The following STARD13 variants were observed in gnomAD, a reference collection of about 807,000 sequenced individuals.
STARD13 encodes the protein StAR related lipid transfer domain containing 13.
Under a neutral mutation model 106.4 loss-of-function variants are expected in STARD13, and 62 were observed. That is an observed-to-expected ratio of 0.58 (90% confidence interval 0.48 to 0.72). The LOEUF is 0.72. STARD13 is among the 30% of genes least tolerant of loss of function. The probability of loss-of-function intolerance (pLI) is 0.00; values close to 1 mark genes in which losing one functional copy is unlikely to be tolerated. For synonymous variants in STARD13, 565 were observed against 553.0 expected (o/e 1.02, Z -0.31); for missense variants, 1,387 against 1,424.0 (o/e 0.97, Z 0.42).
chr13:33,348,957 T>G (rs998332820), exon 2 of STARD13: 11 of 584,468 alleles, frequency 1.9e-5, no homozygotes, highest in Non-Finnish European at 3.1e-5. Flanking sequence ...TGACCTTCTC[T>G]CAAGGTGCTA....
At chr13:33,297,519 G>A (rs1892542461) in intron 1 of STARD13, among the ~76,000 whole-genome samples, 1 of 151,674 alleles carries the variant, frequency 6.6e-6, no homozygotes, top group Non-Finnish European at 1.5e-5. Flanking sequence ...CCAGCACTCT[G>A]TTAATCAGCC....
the STARD13 span, among the ~76,000 whole-genome samples, chr13:33,601,843 G>T: frequency 7.2e-5 from 11 of 152,124 alleles, no homozygotes; most frequent in Non-Finnish European, 1.5e-4. Flanking sequence ...GTGTTGTAGT[G>T]GGCCCAAAAC....
the STARD13 span, among the ~76,000 whole-genome samples, chr13:33,360,889 A>G: frequency 4.5e-3 from 640 of 141,022 alleles, 4 homozygotes; most frequent in African/African-American, 0.015. Context: ...TCCGCCTCCC[A>G]GGTTCACGCC....
At chr13:33,241,624 T>A (rs1467260832) in intron 1 of STARD13, among the ~76,000 whole-genome samples, 1 of 131,480 alleles carries the variant, frequency 7.6e-6, no homozygotes, top group Non-Finnish European at 1.6e-5. Context: ...CCATCTCAAC[T>A]CACTGCAACC....
chr13:33,452,107 G>T, the STARD13 span, among the ~76,000 whole-genome samples: 1 of 152,144 alleles, frequency 6.6e-6, no homozygotes, highest in Admixed American at 6.6e-5. Flanking sequence ...TATGTTCAGG[G>T]CCTAAGGAGA....
chr13:33,327,161 T>C (rs1258647471), intron 1 of STARD13, among the ~76,000 whole-genome samples: 1 of 152,218 alleles, frequency 6.6e-6, no homozygotes. Context: ...AATACCACAC[T>C]AGAAATGTGA....
the STARD13 span, among the ~76,000 whole-genome samples, chr13:33,390,524 T>C: frequency 6.6e-6 from 1 of 152,156 alleles, no homozygotes; most frequent in Non-Finnish European, 1.5e-5. Flanking sequence ...CTCCAACCTC[T>C]TCATAAATTT....
intron 1 of STARD13, among the ~76,000 whole-genome samples, chr13:33,189,417 T>C (rs1566062173): frequency 1.1e-5 from 1 of 95,196 alleles, no homozygotes; most frequent in Non-Finnish European, 2.1e-5. Flanking sequence ...CCTCCTGCTT[T>C]CCCTCCTTCC....
chr13:33,233,766 G>T (rs1889045321), intron 1 of STARD13, among the ~76,000 whole-genome samples: 1 of 106 alleles, frequency 9.4e-3, no homozygotes, highest in Non-Finnish European at 0.017. Context: ...CCCCTCTGGG[G>T]CTTAGGGTTG....
chr13:33,554,601 A>G, the STARD13 span, among the ~76,000 whole-genome samples: 1 of 152,244 alleles, frequency 6.6e-6, no homozygotes, highest in Non-Finnish European at 1.5e-5. Context: ...ATTACAAAGT[A>G]AAGTTACCTA....
At chr13:33,348,079 A>G (rs1000936021), downstream of STARD13, among the ~76,000 whole-genome samples, 28 of 152,290 alleles carry the variant, frequency 1.8e-4, no homozygotes, top group African/African-American at 6.5e-4. Context: ...GGCCTCACAG[A>G]GGATTGTTTG....
intron 1 of STARD13, among the ~76,000 whole-genome samples, chr13:33,244,240 G>C (rs545574645): frequency 2.8e-4 from 43 of 152,002 alleles, no homozygotes; most frequent in African/African-American, 1.0e-3. Context: ...AGTTCTCTGT[G>C]GATGAGGAAT....
chr13:33,587,004 AGGAGTTC>A, the STARD13 span, among the ~76,000 whole-genome samples: 1 of 152,140 alleles, frequency 6.6e-6, no homozygotes, highest in East Asian at 1.9e-4. Flanking sequence ...ACCTGAGGTC[AGGAGTTC>A]GGGATCAGCC....
At chr13:33,216,534 A>G (rs1490156592) in intron 1 of STARD13, among the ~76,000 whole-genome samples, 1 of 152,140 alleles carries the variant, frequency 6.6e-6, no homozygotes, top group East Asian at 1.9e-4. Flanking sequence ...AGGCATAAGA[A>G]TGACACAATG....
the STARD13 span, among the ~76,000 whole-genome samples, chr13:33,612,610 T>C: frequency 6.6e-6 from 1 of 152,202 alleles, no homozygotes; most frequent in Non-Finnish European, 1.5e-5. Context: ...CTTTTTCTCT[T>C]GTCTATTCCC....
chr13:33,257,157 G>GA, intron 1 of STARD13, among the ~76,000 whole-genome samples: 1 of 152,076 alleles, frequency 6.6e-6, no homozygotes, highest in Admixed American at 6.5e-5. Flanking sequence ...TATAGAACTG[G>GA]AAAAAAGGTG....
At chr13:33,221,434 C>A (rs1311009354) in intron 1 of STARD13, among the ~76,000 whole-genome samples, 2 of 152,226 alleles carry the variant, frequency 1.3e-5, no homozygotes, top group Admixed American at 6.5e-5. Context: ...CTAACATCAT[C>A]ATAAACTTTT....
At chr13:33,519,090 G>T in the STARD13 span, among the ~76,000 whole-genome samples, 19 of 152,020 alleles carry the variant, frequency 1.2e-4, no homozygotes, top group Admixed American at 1.2e-3. Context: ...GATTCATTAT[G>T]CATCACCAGC....
In STARD13 at chr13:33,126,342, C is replaced by T. The variant is rs1877171420; in HGVS notation, c.1923-102G>A. ...GGAAGCCAGGCTTTTGTTGGAATACCCAACAGATGCGGGGTGAATTCAACA... is the reference window on the plus strand; with the variant it reads ...GGAAGCCAGGCTTTTGTTGGAATACTCAACAGATGCGGGGTGAATTCAACA... On this transcript the variant is annotated intron_variant, in intron 6 of 13. Transcript: ENST00000336934. 11 of 1,098,034 alleles carry T rather than the reference C, an allele frequency of 1.0e-5. No individual in the cohort carries two copies. In the South Asian group the frequency reaches 1.5e-4, roughly 15 times the overall value. The allele number at this position is 1,098,034 out of a possible 1,614,324, so 68.0% of individuals were successfully genotyped here.
Sources: allele counts gnomAD v4.1 joint callset (sites outside exome capture counted in the v4.1 genomes callset), GRCh38; gene constraint gnomAD v4.1.1; transcripts MANE v1.5; gene names NCBI Gene and HGNC (gene_info 2026-07-23, HGNC 2026-07-21).